Variants in CSMD1 observed in about 807,000 individuals in gnomAD.
CSMD1 encodes the protein CUB and sushi domain-containing protein 1.
In CSMD1, 213 loss-of-function variants were observed where a neutral mutation model predicts 417.5. The ratio of observed to expected loss-of-function variants is 0.51; its 90% CI spans 0.46 to 0.57. The LOEUF (loss-of-function observed/expected upper bound fraction) is 0.57, where lower values mean the gene tolerates loss of function less well. Among genes scored for constraint, CSMD1 ranks in the 20% least tolerant of loss-of-function variants. The pLI is 0.00. For synonymous variants in CSMD1, 2,862 were observed against 1,736.8 expected (o/e 1.65, Z -16.11); for missense variants, 6,923 against 4,529.7 (o/e 1.53, Z -15.17).
At chr8:3,566,122 G>C (rs1449466016) in intron 10 of CSMD1, among the ~76,000 whole-genome samples, 2 of 151,830 alleles carry the variant, frequency 1.3e-5, no homozygotes, top group African/African-American at 4.8e-5. Context: ...AAGAAGGAGA[G>C]GGAAAAGATG....
In CSMD1 at chr8:4,352,873, G is replaced by A. The variant is rs570045643; in HGVS notation, c.415+67080C>T. On this transcript the variant is annotated intron_variant, in intron 3 of 69. Coordinates refer to ENST00000635120, the MANE Select transcript of CSMD1 (RefSeq NM_033225.6). Reference sequence around the variant, plus strand: ...TGTTTCTCTTTGTTTTGTATTGATCGTCAGCCATAATTACCTCAGAAAATG... The same window carrying A: ...TGTTTCTCTTTGTTTTGTATTGATCATCAGCCATAATTACCTCAGAAAATG... Among the ~76,000 whole-genome samples, 9 of 152,170 alleles carry A rather than the reference G, an allele frequency of 5.9e-5. No homozygotes were observed. In the South Asian group the frequency reaches 8.3e-4, roughly 14 times the overall value.
At chr8:4,906,255 C>A (rs1805268789) in intron 1 of CSMD1, among the ~76,000 whole-genome samples, 1 of 152,220 alleles carries the variant, frequency 6.6e-6, no homozygotes, top group Admixed American at 6.5e-5. Context: ...ACTTCCTGAA[C>A]TCTTTTCCAA....
At chr8:3,032,865 T>G (rs1468380993) in intron 50 of CSMD1, among the ~76,000 whole-genome samples, 2 of 152,110 alleles carry the variant, frequency 1.3e-5, no homozygotes, top group Non-Finnish European at 2.9e-5. Context: ...CTGATCTCTT[T>G]ATATACCCTT....
intron 20 of CSMD1, among the ~76,000 whole-genome samples, chr8:3,361,896 T>C (rs1471231959): frequency 6.6e-6 from 1 of 152,174 alleles, no homozygotes; most frequent in African/African-American, 2.4e-5. Flanking sequence ...GTAACCATCT[T>C]GATTAGGCTT....
intron 3 of CSMD1, among the ~76,000 whole-genome samples, chr8:4,337,257 A>T (rs1800225742): frequency 6.6e-6 from 1 of 152,120 alleles, no homozygotes; most frequent in African/African-American, 2.4e-5. Context: ...AAAACATAGC[A>T]TCATGGCAAC....
intron 5 of CSMD1, among the ~76,000 whole-genome samples, chr8:3,923,899 A>G (rs2129145337): frequency 6.6e-6 from 1 of 152,314 alleles, no homozygotes; most frequent in Admixed American, 6.5e-5. Context: ...TTTTTAAAAT[A>G]TATTGTCCTT....
At chr8:4,570,302 A>G (rs1798821318) in intron 2 of CSMD1, among the ~76,000 whole-genome samples, 1 of 152,152 alleles carries the variant, frequency 6.6e-6, no homozygotes, top group African/African-American at 2.4e-5. Flanking sequence ...TATTATTTTG[A>G]CATATGTTCC....
chr8:4,341,163 G>C (rs999465257), intron 3 of CSMD1, among the ~76,000 whole-genome samples: 1 of 152,008 alleles, frequency 6.6e-6, no homozygotes, highest in Non-Finnish European at 1.5e-5. Context: ...GAATTAGTAG[G>C]CGTTGATCAT....
intron 1 of CSMD1, among the ~76,000 whole-genome samples, chr8:4,977,513 G>A (rs543454410): frequency 1.8e-4 from 27 of 152,310 alleles, no homozygotes; most frequent in Middle Eastern, 3.4e-3. Flanking sequence ...GCATGAAAAC[G>A]TAAATTCACA....
chr8:3,542,343 T>G (rs900445101), intron 10 of CSMD1, among the ~76,000 whole-genome samples: 4 of 152,364 alleles, frequency 2.6e-5, no homozygotes, highest in African/African-American at 7.2e-5. Flanking sequence ...ATTCAGAATC[T>G]TCAATTCTGA....
At chr8:4,629,665 T>C (rs766852436) in intron 2 of CSMD1, among the ~76,000 whole-genome samples, 1 of 152,120 alleles carries the variant, frequency 6.6e-6, no homozygotes, top group African/African-American at 2.4e-5. Flanking sequence ...ACTTAGACAA[T>C]ATTTATCATT....
chr8:4,964,410 C>G (rs1173929532), intron 1 of CSMD1, among the ~76,000 whole-genome samples: 2 of 140,946 alleles, frequency 1.4e-5, no homozygotes, highest in South Asian at 2.4e-4. Context: ...TCCCAGCTAC[C>G]TGGGAAGCTG....
rs958988664 is a variant in CSMD1 at position 2,936,042 on chromosome 8, C to G, written c.*2543G>C. ...ACTGCCCTAAAATGAGATCCTCCAA[C>G]ACCTTGCGGAGACGCCGTTCAACAC... On this transcript the variant is annotated 3_prime_UTR_variant, in exon 70 of 70. Coordinates refer to ENST00000635120, the MANE Select transcript of CSMD1 (RefSeq NM_033225.6). 6.6e-6 allele frequency: 1 copy of G among 152,206 alleles called. No homozygotes were observed. Among genetic ancestry groups the G allele is most frequent in the Non-Finnish European group, 1.5e-5 (1 of 68,054 alleles). 9.4% of individuals were successfully genotyped at this position (152,206 alleles called of 1,614,324 possible). A position where few individuals can be genotyped will look rare whatever the true frequency, so the allele number is the denominator to read the frequency against.
rs181065370 is a variant in CSMD1 at position 3,254,069 on chromosome 8, G to A, written c.4154-23838C>T. Among the ~76,000 whole-genome samples, 648 of 152,252 alleles carry A rather than the reference G, an allele frequency of 4.3e-3. 3 individuals are homozygous for A. Among genetic ancestry groups the A allele is most frequent in the African/African-American group, 0.014 (587 of 41,542 alleles). On this transcript the variant is annotated intron_variant, in intron 26 of 69. Transcript: ENST00000635120. ...TCAGGAGCTCTTGTAGGGCAGGCCT[G>A]GTGGTGACAGAATCTCTCAGCATTT...
chr8:4,743,386 A>C (rs1045046294), intron 1 of CSMD1, among the ~76,000 whole-genome samples: 5 of 152,186 alleles, frequency 3.3e-5, no homozygotes, highest in African/African-American at 1.2e-4. Context: ...GGAAATTATC[A>C]TCATGAAACA....
At chr8:3,425,507 G>C (rs1158206261) in intron 12 of CSMD1, among the ~76,000 whole-genome samples, 2 of 147,842 alleles carry the variant, frequency 1.4e-5, no homozygotes, top group Non-Finnish European at 3.0e-5. Flanking sequence ...AGAACCGCTT[G>C]AACCCAGGAG....
chr8:3,395,673 C>A (rs970636146), intron 17 of CSMD1, among the ~76,000 whole-genome samples: 8 of 152,068 alleles, frequency 5.3e-5, no homozygotes, highest in Non-Finnish European at 7.4e-5. Context: ...AGACTGTTAA[C>A]AATTGTTTGG....
intron 1 of CSMD1, among the ~76,000 whole-genome samples, chr8:4,880,546 C>A (rs1360265443): frequency 6.6e-6 from 1 of 152,170 alleles, no homozygotes; most frequent in Admixed American, 6.5e-5. Flanking sequence ...TTCGCCTCCT[C>A]CTCTGAAATC....
At chr8:4,316,413 T>C (rs1194430505) in intron 3 of CSMD1, among the ~76,000 whole-genome samples, 1 of 152,182 alleles carries the variant, frequency 6.6e-6, no homozygotes, top group African/African-American at 2.4e-5. Flanking sequence ...CAAGACAATT[T>C]CTTCATATAT....
Sources: allele counts gnomAD v4.1 joint callset (sites outside exome capture counted in the v4.1 genomes callset), GRCh38; gene constraint gnomAD v4.1.1; transcripts MANE v1.5; gene names NCBI Gene and HGNC (gene_info 2026-07-23, HGNC 2026-07-21).